Variants in DACH1 observed in about 807,000 individuals in gnomAD.
DACH1 encodes dachshund family transcription factor 1.
Under a neutral mutation model 54.2 loss-of-function variants are expected in DACH1, and 12 were observed. That is an observed-to-expected ratio of 0.22 (90% CI 0.14 to 0.36). The LOEUF (loss-of-function observed/expected upper bound fraction) is 0.36, where lower values mean the gene tolerates loss of function less well. Among genes scored for constraint, DACH1 ranks in the 10% least tolerant of loss-of-function variants. DACH1 has a pLI of 1.00. For missense variants in DACH1, 805 were observed against 929.8 expected (o/e 0.87, Z 1.75); for synonymous variants, 386 against 366.2 (o/e 1.05, Z -0.62).
chr13:71,653,429 T>C (rs1040129073), intron 2 of DACH1, among the ~76,000 whole-genome samples: 1 of 152,214 alleles, frequency 6.6e-6, no homozygotes, highest in Non-Finnish European at 1.5e-5. Context: ...TGATCTGTCA[T>C]TTCCTCTTAT....
At chr13:71,627,736 A>G (rs1295971007) in intron 3 of DACH1, among the ~76,000 whole-genome samples, 2 of 151,974 alleles carry the variant, frequency 1.3e-5, no homozygotes, top group African/African-American at 4.8e-5. Flanking sequence ...TGTTGTGATT[A>G]TTTTTGTATT....
intron 3 of DACH1, chr13:71,573,318 T>A (rs1321149341): frequency 7.7e-6 from 5 of 653,054 alleles, no homozygotes; most frequent in Admixed American, 2.5e-5. Context: ...CAATTAGCTA[T>A]GTAAATATAG....
rs372231828 is a variant in DACH1, at chr13:71,676,437, C to T, written c.964+5358G>A. ...TTCACCATGTTGGCCAGGCTGGTCTCGAACTCCTGACCTCAGGTGATCCAC... is the reference window on the plus strand; with the variant it reads ...TTCACCATGTTGGCCAGGCTGGTCTTGAACTCCTGACCTCAGGTGATCCAC... On this transcript the variant is annotated intron_variant, in intron 2 of 10. Transcript: ENST00000613252. Among the ~76,000 whole-genome samples, 34 of 152,202 alleles carry T rather than the reference C, an allele frequency of 2.2e-4. 2 individuals carry two copies. The East Asian group carries it at 3.5e-3, about 16-fold the overall frequency.
intron 1 of DACH1, among the ~76,000 whole-genome samples, chr13:71,745,991 G>A (rs768473208): frequency 9.2e-5 from 14 of 152,282 alleles, no homozygotes; most frequent in Non-Finnish European, 1.9e-4. Flanking sequence ...AGGCCAACGC[G>A]GGTGGATCAC....
chr13:71,700,146 G>A (rs1025470952), intron 1 of DACH1, among the ~76,000 whole-genome samples: 4 of 152,170 alleles, frequency 2.6e-5, no homozygotes, highest in Middle Eastern at 6.8e-3. Context: ...GACACACGTT[G>A]GCATCCTCCA....
intron 1 of DACH1, among the ~76,000 whole-genome samples, chr13:71,738,575 A>G (rs1485439922): frequency 6.6e-6 from 1 of 151,482 alleles, no homozygotes; most frequent in East Asian, 2.0e-4. Context: ...TCTACTGAAA[A>G]TAACAAATTG....
intron 1 of DACH1, among the ~76,000 whole-genome samples, chr13:71,686,521 A>C (rs1881173049): frequency 6.6e-6 from 1 of 152,172 alleles, no homozygotes; most frequent in Admixed American, 6.5e-5. Flanking sequence ...TTTTTATTTA[A>C]GGTGAAGTCA....
intron 8 of DACH1, 45 bp downstream of exon 8, chr13:71,479,124 A>G: frequency 6.5e-7 from 1 of 1,527,778 alleles, no homozygotes; most frequent in Non-Finnish European, 8.9e-7. Context: ...TAATATGTTT[A>G]ATATTTTCTG....
chr13:71,836,612 A>G (rs1336618043), intron 1 of DACH1, among the ~76,000 whole-genome samples: 1 of 152,022 alleles, frequency 6.6e-6, no homozygotes, highest in Non-Finnish European at 1.5e-5. Flanking sequence ...TCCCTCCTCT[A>G]CTAAGCTAGA....
At chr13:71,575,302 C>T (rs971980441) in intron 3 of DACH1, among the ~76,000 whole-genome samples, 5 of 151,656 alleles carry the variant, frequency 3.3e-5, no homozygotes, top group East Asian at 1.9e-4. Flanking sequence ...ACAAATGTAA[C>T]GATTACATTT....
intron 6 of DACH1, among the ~76,000 whole-genome samples, chr13:71,534,086 A>G (rs945362572): frequency 1.3e-5 from 2 of 152,108 alleles, no homozygotes; most frequent in African/African-American, 4.8e-5. Flanking sequence ...ACAAGAAGAC[A>G]CTATCAGTAG....
chr13:71,810,876 A>T (rs1157566101), intron 1 of DACH1, among the ~76,000 whole-genome samples: 2 of 152,160 alleles, frequency 1.3e-5, no homozygotes, highest in Non-Finnish European at 2.9e-5. Flanking sequence ...TGTTTTGCTT[A>T]GTTGCTAATT....
chr13:71,711,745 TATG>T (rs1594125323), intron 1 of DACH1, among the ~76,000 whole-genome samples: 1 of 152,176 alleles, frequency 6.6e-6, no homozygotes, highest in Admixed American at 6.5e-5. Context: ...AGCAGGTATT[TATG>T]ATAAGACTAG....
At chr13:71,686,378 C>T (rs1594096778) in intron 1 of DACH1, among the ~76,000 whole-genome samples, 3 of 152,286 alleles carry the variant, frequency 2.0e-5, no homozygotes, top group Non-Finnish European at 4.4e-5. Flanking sequence ...CCATTCCCAA[C>T]CCGCCACACA....
chr13:71,617,663 C>A (rs114728221), intron 3 of DACH1, among the ~76,000 whole-genome samples: 1 of 152,168 alleles, frequency 6.6e-6, no homozygotes, highest in Non-Finnish European at 1.5e-5. Flanking sequence ...ACAACATTTA[C>A]AACTACTCTA....
chr13:71,858,581 T>C (rs1473759266), intron 1 of DACH1, among the ~76,000 whole-genome samples: 2 of 151,742 alleles, frequency 1.3e-5, no homozygotes, highest in Non-Finnish European at 3.0e-5. Flanking sequence ...ATTTCTATTT[T>C]TCAAATCATA....
At chr13:71,641,096 T>TA (rs1322419146) in intron 2 of DACH1, among the ~76,000 whole-genome samples, 1 of 152,028 alleles carries the variant, frequency 6.6e-6, no homozygotes, top group Non-Finnish European at 1.5e-5. Context: ...TTTTTACATG[T>TA]AAGTCTTGTT....
intron 3 of DACH1, among the ~76,000 whole-genome samples, chr13:71,616,264 G>A (rs1052476117): frequency 6.6e-6 from 1 of 152,166 alleles, no homozygotes; most frequent in Non-Finnish European, 1.5e-5. Flanking sequence ...AACTGGAGCT[G>A]TGTGAGGATG....
At chr13:71,789,708 T>G (rs1313457143) in intron 1 of DACH1, among the ~76,000 whole-genome samples, 1 of 152,132 alleles carries the variant, frequency 6.6e-6, no homozygotes, top group Middle Eastern at 3.2e-3. Context: ...GAGTGAGTGA[T>G]TGTTGTGCAA....
Sources: gnomAD v4.1 joint callset for allele counts (sites outside exome capture counted in the v4.1 genomes callset) on GRCh38, gnomAD v4.1.1 for gene constraint, MANE v1.5 for transcripts, NCBI Gene and HGNC (gene_info 2026-07-23, HGNC 2026-07-21) for gene names.